The following RDX variants were observed in gnomAD, a reference collection of about 807,000 sequenced individuals.
The protein encoded by RDX is radixin, also known as deafness, autosomal recessive 24.
In RDX, 32 loss-of-function variants were observed where a neutral mutation model predicts 83.7. The observed-to-expected ratio is 0.38, with a 90% CI of 0.29 to 0.51. The LOEUF is 0.51. RDX is among the 20% of genes least tolerant of loss of function. The pLI is 0.87. For missense variants in RDX, 600 were observed against 689.9 expected (o/e 0.87, Z 1.46); for synonymous variants, 229 against 222.7 (o/e 1.03, Z -0.25).
chr11:110,259,374 T>C (rs1056969434), intron 5 of RDX, among the ~76,000 whole-genome samples: 6 of 152,262 alleles, frequency 3.9e-5, no homozygotes, highest in African/African-American at 1.2e-4. Flanking sequence ...TATTCACCTT[T>C]ATTTACCAGA....
intron 14 of RDX, among the ~76,000 whole-genome samples, chr11:110,215,375 AATAAATAAAT>A (rs1565295807): frequency 3.7e-5 from 2 of 54,148 alleles, no homozygotes; most frequent in East Asian, 9.4e-4. Flanking sequence ...AAAATAAATA[AATAAATAAAT>A]AAATAAATAA....
chr11:110,185,584 G>A (rs1302164506), intron 15 of RDX: 1 of 152,244 alleles, frequency 6.6e-6, no homozygotes, highest in Non-Finnish European at 1.5e-5. Flanking sequence ...AACTCCTGCA[G>A]GCAGTTCTGC....
intron 1 of RDX, among the ~76,000 whole-genome samples, chr11:110,280,518 G>A (rs1255842271): frequency 6.6e-6 from 1 of 152,198 alleles, no homozygotes; most frequent in African/African-American, 2.4e-5. Context: ...CAAAGTGCTA[G>A]GATTACAGGC....
At chr11:110,238,935 A>C (rs1024461919) in intron 10 of RDX, among the ~76,000 whole-genome samples, 53 of 130,122 alleles carry the variant, frequency 4.1e-4, no homozygotes, top group South Asian at 4.9e-4. Context: ...AAAAAAAAAA[A>C]AAAAAAACAA....
chr11:110,192,602 T>C (rs1229065771), intron 15 of RDX, among the ~76,000 whole-genome samples: 2 of 152,138 alleles, frequency 1.3e-5, no homozygotes, highest in Non-Finnish European at 2.9e-5. Flanking sequence ...GAGAAAATAT[T>C]CTCAAACTAT....
At chr11:110,258,735 T>C (rs1859662795) in intron 5 of RDX, among the ~76,000 whole-genome samples, 1 of 152,182 alleles carries the variant, frequency 6.6e-6, no homozygotes, top group South Asian at 2.1e-4. Context: ...TGCTACTAAT[T>C]TTGTTGTTTT....
chr11:110,217,143 A>C (rs1158535678), intron 14 of RDX, among the ~76,000 whole-genome samples: 1 of 152,210 alleles, frequency 6.6e-6, no homozygotes, highest in Non-Finnish European at 1.5e-5. Flanking sequence ...TTCAGGTAGC[A>C]ACTTACATGC....
intron 9 of RDX, 111 bp from the exon 10 acceptor site, chr11:110,247,944 T>C: frequency 8.0e-7 from 1 of 1,255,074 alleles, no homozygotes; most frequent in South Asian, 1.4e-5. Flanking sequence ...TTGCAGCAAC[T>C]TGGATGAAGC....
Position 110,264,171 on chromosome 11 carries a change from G to T in RDX, c.256C>A (p.Pro86Thr), listed in dbSNP as rs376418131. The T allele has an allele frequency of 1.9e-6, 3 of 1,611,112 alleles. No individual in the cohort carries two copies. Among genetic ancestry groups the T allele is most frequent in the African/African-American group, 2.7e-5 (2 of 74,792 alleles). ...LQFKFRAKFF[P>T]EDVSEELIQE... ...ATTAATTCCTCAGAAACATCTTCAG[G>T]AAAGAATTTAGCTCTAAACTTGAAC... Residue 86 changes from proline (P) to threonine (T), a missense_variant, in exon 5 of 14, where the codon CCT (proline) becomes ACT (threonine). Physicochemically the swap from Pro to Thr is conservative, Grantham distance 38 (BLOSUM62 -1). Transcript: ENST00000645495.
intron 14 of RDX, among the ~76,000 whole-genome samples, chr11:110,201,177 CAAAAAAAAA>C (rs34428422): frequency 4.9e-5 from 4 of 82,028 alleles, no homozygotes; most frequent in Non-Finnish European, 9.4e-5. Flanking sequence ...ACTCCCGTCT[CAAAAAAAAA>C]AAAAAAAAAA....
intron 2 of RDX, among the ~76,000 whole-genome samples, chr11:110,278,822 C>T (rs1321590774): frequency 6.8e-6 from 1 of 146,322 alleles, no homozygotes; most frequent in Admixed American, 6.9e-5. Context: ...TAACTAATGA[C>T]TTTCTTTAAA....
intron 1 of RDX, among the ~76,000 whole-genome samples, chr11:110,291,144 T>C (rs930130250): frequency 3.3e-5 from 5 of 152,126 alleles, no homozygotes; most frequent in African/African-American, 4.8e-5. Flanking sequence ...CTGGGCAACA[T>C]AGTGAAACTG....
chr11:110,264,280 C>T (rs1203202863), intron 4 of RDX, 46 bp from the exon 5 acceptor site: 3 of 1,342,870 alleles, frequency 2.2e-6, no homozygotes, highest in Non-Finnish European at 3.1e-6. Flanking sequence ...CTTAAGTTTA[C>T]AATAATTAGA....
chr11:110,183,132 A>G (rs1000993285), intron 15 of RDX, among the ~76,000 whole-genome samples: 3 of 152,128 alleles, frequency 2.0e-5, no homozygotes, highest in Non-Finnish European at 4.4e-5. Flanking sequence ...TCAACCACCA[A>G]TGAAAAAACA....
intron 15 of RDX, among the ~76,000 whole-genome samples, chr11:110,191,421 T>G (rs1014126295): frequency 2.6e-5 from 4 of 152,232 alleles, no homozygotes; most frequent in Admixed American, 6.5e-5. Flanking sequence ...TAAAGGAACA[T>G]ATCTCAAAAT....
intron 3 of RDX, among the ~76,000 whole-genome samples, chr11:110,266,132 G>A (rs1278625466): frequency 6.7e-6 from 1 of 150,140 alleles, no homozygotes; most frequent in Non-Finnish European, 1.5e-5. Context: ...AGACCATCCT[G>A]ACTAACACGG....
Position 110,183,058 on chromosome 11 carries a change from C to T in RDX, c.*32-7824G>A, listed in dbSNP as rs1862918399. 2.6e-5 allele frequency among the ~76,000 whole-genome samples: 4 copies of T among 152,144 alleles called. 1 individual carries two copies. The South Asian group carries it at 8.3e-4, about 32-fold the overall frequency. On this transcript the variant is annotated intron_variant, in intron 15 of 15. Coordinates refer to the RDX transcript ENST00000528498. ...GCACAGCCAGACCACAGGAGTCAGC[C>T]CACTGTGAGGACAGTGAAGGGTGAT... is the stretch of plus-strand genomic sequence containing the variant.
At chr11:110,190,439 G>C (rs1863081648) in intron 15 of RDX, among the ~76,000 whole-genome samples, 2 of 152,152 alleles carry the variant, frequency 1.3e-5, no homozygotes, top group South Asian at 4.1e-4. Flanking sequence ...AGGTGATAGA[G>C]AGCAAGTCTC....
chr11:110,279,856 G>T, intron 1 of RDX, 100 bp from the exon 2 acceptor site: 2 of 551,846 alleles, frequency 3.6e-6, no homozygotes, highest in South Asian at 2.4e-5. Context: ...TTGAAAAGGT[G>T]GATTTAAAGT....
Sources: allele counts gnomAD v4.1 joint callset (sites outside exome capture counted in the v4.1 genomes callset), GRCh38; gene constraint gnomAD v4.1.1; transcripts MANE v1.5; gene names NCBI Gene and HGNC (gene_info 2026-07-23, HGNC 2026-07-21).